Variants in TAB2 observed in about 807,000 individuals in gnomAD.
TAB2 encodes TGF-beta-activated kinase 1 and MAP3K7-binding protein 2.
A neutral mutation model predicts 65.0 loss-of-function variants in TAB2; 3 were observed. The ratio of observed to expected loss-of-function variants is 0.05; its 90% CI spans 0.02 to 0.12. The LOEUF is 0.12. Ranked by LOEUF, TAB2 falls within the 10% of genes least tolerant of loss-of-function variation. TAB2 has a pLI of 1.00. For missense variants in TAB2, 623 were observed against 840.3 expected (o/e 0.74, Z 3.20); for synonymous variants, 298 against 285.1 (o/e 1.05, Z -0.46).
At chr6:149,271,060 T>G (rs1044273340) in intron 1 of TAB2, among the ~76,000 whole-genome samples, 1 of 151,792 alleles carries the variant, frequency 6.6e-6, no homozygotes, top group Admixed American at 6.6e-5. Context: ...TCATTTTGAC[T>G]TAGTTGAAAA....
At position 149,258,194 on chromosome 6, in the gene TAB2, G is replaced by A. The variant is rs1245112228; in HGVS notation, c.-121+39418G>A. On this transcript the variant is annotated intron_variant, in intron 1 of 1. Transcript: ENST00000606202. ...GTTGTGCACATGAACCGAAGGCAGT[G>A]AGTCTCTACTCTAGTGGTGAGCCCA... 3.9e-5 allele frequency among the ~76,000 whole-genome samples: 6 copies of A among 152,282 alleles called. No individual in the cohort carries two copies. In the South Asian group the frequency reaches 6.2e-4, roughly 16 times the overall value.
intron 1 of TAB2, among the ~76,000 whole-genome samples, chr6:149,326,821 T>G (rs1779635477): frequency 6.6e-6 from 1 of 152,180 alleles, no homozygotes; most frequent in African/African-American, 2.4e-5. Flanking sequence ...TTTTAAGCGG[T>G]TTTTAGCTTT....
chr6:149,342,647 T>TAA (rs1780166716), intron 1 of TAB2: 1 of 152,230 alleles, frequency 6.6e-6, no homozygotes, highest in Non-Finnish European at 1.5e-5. Context: ...TTGTTCTGCC[T>TAA]ACCTCTAGTT....
chr6:149,226,766 T>C (rs1165661526), intron 1 of TAB2, among the ~76,000 whole-genome samples: 1 of 152,232 alleles, frequency 6.6e-6, no homozygotes, highest in African/African-American at 2.4e-5. Flanking sequence ...TGTACTTTTA[T>C]CCCAGTGTAA....
chr6:149,353,705 C>G (rs936763017), intron 1 of TAB2, among the ~76,000 whole-genome samples: 4 of 152,132 alleles, frequency 2.6e-5, no homozygotes, highest in African/African-American at 9.7e-5. Flanking sequence ...GCGTAGCTTT[C>G]TAGAGAAAAA....
At chr6:149,254,089 GGAA>G (rs879335805) in intron 1 of TAB2, among the ~76,000 whole-genome samples, 19,344 of 142,440 alleles carry the variant, frequency 0.14, 1,803 homozygotes, top group East Asian at 0.25. Context: ...AAGGAAGGAA[GGAA>G]GGAAGGAAGG....
chr6:149,323,747 A>G (rs1001798643), intron 1 of TAB2, among the ~76,000 whole-genome samples: 3 of 152,154 alleles, frequency 2.0e-5, no homozygotes, highest in African/African-American at 7.2e-5. Context: ...CATTTACCCA[A>G]AATATTTCTT....
At chr6:149,260,528 A>G (rs1172947362) in intron 1 of TAB2, among the ~76,000 whole-genome samples, 1 of 152,222 alleles carries the variant, frequency 6.6e-6, no homozygotes, top group Non-Finnish European at 1.5e-5. Context: ...AGGAAGCCCC[A>G]TGGAGGAAAA....
intron 1 of TAB2, among the ~76,000 whole-genome samples, chr6:149,235,262 G>C (rs941367157): frequency 6.6e-6 from 1 of 152,194 alleles, no homozygotes; most frequent in Non-Finnish European, 1.5e-5. Context: ...CACTGTAAGA[G>C]GGACCTTGAG....
chr6:149,388,692 T>C (rs980444127), intron 3 of TAB2, among the ~76,000 whole-genome samples: 18 of 152,206 alleles, frequency 1.2e-4, no homozygotes, highest in Admixed American at 3.9e-4. Context: ...TTAAATACGA[T>C]TGAGGTTGAA....
chr6:149,272,251 T>C (rs1778377526), intron 1 of TAB2, among the ~76,000 whole-genome samples: 1 of 152,244 alleles, frequency 6.6e-6, no homozygotes, highest in South Asian at 2.1e-4. Context: ...CCAGTCTAGG[T>C]TGGGACTGAA....
intron 1 of TAB2, among the ~76,000 whole-genome samples, chr6:149,277,882 G>C (rs1778505480): frequency 6.6e-6 from 1 of 152,138 alleles, no homozygotes; most frequent in Non-Finnish European, 1.5e-5. Flanking sequence ...GTTTTAACTT[G>C]CAAATAGTCT....
chr6:149,343,977 C>T (rs933591212), intron 1 of TAB2, among the ~76,000 whole-genome samples: 4 of 152,178 alleles, frequency 2.6e-5, no homozygotes, highest in Admixed American at 6.5e-5. Flanking sequence ...AAAGGCAATC[C>T]TAATATTCTA....
At chr6:149,311,187 T>C (rs974889229) in intron 1 of TAB2, among the ~76,000 whole-genome samples, 1 of 152,238 alleles carries the variant, frequency 6.6e-6, no homozygotes, top group African/African-American at 2.4e-5. Context: ...ATCCTACATT[T>C]TTCCTACAGT....
At chr6:149,276,710 T>C (rs1451053685) in intron 1 of TAB2, among the ~76,000 whole-genome samples, 1 of 152,234 alleles carries the variant, frequency 6.6e-6, no homozygotes, top group East Asian at 1.9e-4. Flanking sequence ...CATACATTGT[T>C]GTGAGAACAT....
chr6:149,362,663 TA>T (rs34923299), intron 1 of TAB2, among the ~76,000 whole-genome samples: 132,497 of 152,200 alleles, frequency 0.87, 57,744 homozygotes, highest in Middle Eastern at 0.97. Context: ...ACACAAAAAT[TA>T]ACCTTTTTTT....
At position 149,383,190 on chromosome 6, in the gene TAB2, C is replaced by T. The variant is rs577020803; in HGVS notation, c.1603+3672C>T. ...GAAGAAAAAAAAAGGAAAGAAAGAA[C>T]TCTAAACAATAAAGTAACACCCTGG... On this transcript the variant is annotated intron_variant, in intron 3 of 6. Coordinates refer to ENST00000637181, the MANE Select transcript of TAB2 (RefSeq NM_001292034.3). Among the ~76,000 whole-genome samples the T allele has an allele frequency of 3.3e-5, 5 of 151,942 alleles. No individual in the cohort carries two copies. In the East Asian group the frequency reaches 9.7e-4, roughly 29 times the overall value.
At chr6:149,340,782 A>G (rs1333879635) in intron 1 of TAB2, among the ~76,000 whole-genome samples, 5 of 152,156 alleles carry the variant, frequency 3.3e-5, no homozygotes. Context: ...TTTGAATAAG[A>G]CACTTCCATG....
chr6:149,228,580 C>T (rs761759250), intron 1 of TAB2, among the ~76,000 whole-genome samples: 6 of 152,202 alleles, frequency 3.9e-5, no homozygotes, highest in Non-Finnish European at 7.3e-5. Flanking sequence ...CAGGGTTCTA[C>T]GTGATAAGCC....
Sources: allele counts gnomAD v4.1 joint callset (sites outside exome capture counted in the v4.1 genomes callset), GRCh38; gene constraint gnomAD v4.1.1; transcripts MANE v1.5; gene names NCBI Gene and HGNC (gene_info 2026-07-23, HGNC 2026-07-21).